Variants in SNTG1 observed in about 807,000 individuals in gnomAD.
SNTG1 encodes gamma-1-syntrophin.
A neutral mutation model predicts 74.7 loss-of-function variants in SNTG1; 39 were observed. The ratio of observed to expected loss-of-function variants is 0.52; its 90% CI spans 0.40 to 0.68. The LOEUF (loss-of-function observed/expected upper bound fraction) is 0.68. SNTG1 is among the 30% of genes least tolerant of loss of function. SNTG1 has a pLI of 0.00. For synonymous variants in SNTG1, 254 were observed against 217.1 expected (o/e 1.17, Z -1.49); for missense variants, 685 against 609.5 (o/e 1.12, Z -1.30).
rs1005920643 is a variant in SNTG1, at chr8:50,228,759, G to A, written c.-28+56124G>A. On this transcript the variant is annotated intron_variant, in intron 2 of 18. Coordinates refer to ENST00000642720, the MANE Select transcript of SNTG1 (RefSeq NM_018967.5). ...GAGGGAATTCATCACTAGAAAATAT[G>A]ACTTGTGAGAAATGTTAAAAGTTCT... Among the ~76,000 whole-genome samples the A allele has an allele frequency of 2.6e-5, 4 of 151,714 alleles. 1 individual carries two copies. The highest frequency in any genetic ancestry group is 9.7e-5 in the African/African-American group (4 of 41,392).
In SNTG1 at chr8:50,463,094, C is replaced by T. The variant is rs981626744; in HGVS notation, c.363+12365C>T. ...CTTCCCAAAGTGCTGGGATTATAGG[C>T]GTAAGCCACCACGTCCAGCCCAGAT... On this transcript the variant is annotated intron_variant, in intron 8 of 18. Transcript: ENST00000642720. Among the ~76,000 whole-genome samples, 21 of 152,080 alleles carry T rather than the reference C, an allele frequency of 1.4e-4. 1 individual carries two copies. Among genetic ancestry groups the T allele is most frequent in the Admixed American group, 9.8e-4 (15 of 15,256 alleles).
intron 2 of SNTG1, among the ~76,000 whole-genome samples, chr8:50,346,262 T>C (rs1490724511): frequency 6.6e-6 from 1 of 152,244 alleles, no homozygotes; most frequent in African/African-American, 2.4e-5. Flanking sequence ...GTAATTGTCA[T>C]GATATTTCAA....
intron 1 of SNTG1, among the ~76,000 whole-genome samples, chr8:50,045,929 G>A (rs1819047345): frequency 6.6e-6 from 1 of 152,134 alleles, no homozygotes; most frequent in South Asian, 2.1e-4. Context: ...GAAGCTCAAC[G>A]AGATCAGGGG....
At chr8:50,097,169 G>T (rs930292569) in intron 1 of SNTG1, among the ~76,000 whole-genome samples, 7 of 151,908 alleles carry the variant, frequency 4.6e-5, no homozygotes, top group Non-Finnish European at 7.4e-5. Context: ...ACGCAGTTTC[G>T]TCGTGTTGGC....
chr8:50,315,993 A>T (rs1256918385), intron 2 of SNTG1, among the ~76,000 whole-genome samples: 1 of 152,120 alleles, frequency 6.6e-6, no homozygotes, highest in Non-Finnish European at 1.5e-5. Flanking sequence ...CCATTTTTTG[A>T]TTCATATCAC....
chr8:50,314,180 T>G (rs2090226668), intron 2 of SNTG1, among the ~76,000 whole-genome samples: 1 of 149,622 alleles, frequency 6.7e-6, no homozygotes, highest in Non-Finnish European at 1.5e-5. Context: ...CTGATTCGAA[T>G]CTGGTTTCAG....
At chr8:49,995,851 T>C (rs900713947) in intron 1 of SNTG1, among the ~76,000 whole-genome samples, 3 of 152,232 alleles carry the variant, frequency 2.0e-5, no homozygotes, top group Non-Finnish European at 1.5e-5. Context: ...TTCAGCTTTG[T>C]ATTAGCTGAT....
At chr8:50,152,862 T>C (rs998478869) in intron 1 of SNTG1, among the ~76,000 whole-genome samples, 1 of 152,204 alleles carries the variant, frequency 6.6e-6, no homozygotes, top group African/African-American at 2.4e-5. Flanking sequence ...TCAACTTTGG[T>C]GAATCTGCCA....
intron 4 of SNTG1, among the ~76,000 whole-genome samples, chr8:50,426,350 T>C (rs1329599660): frequency 6.6e-6 from 1 of 152,102 alleles, no homozygotes. Context: ...AAGATTATAA[T>C]AGAGCTGAAA....
intron 13 of SNTG1, among the ~76,000 whole-genome samples, chr8:50,614,469 T>A (rs536045635): frequency 6.6e-6 from 1 of 151,874 alleles, no homozygotes; most frequent in South Asian, 2.1e-4. Context: ...TTACTTTATC[T>A]AAAAAAAAGA....
At chr8:50,176,951 T>C (rs557968099) in intron 2 of SNTG1, among the ~76,000 whole-genome samples, 1 of 152,220 alleles carries the variant, frequency 6.6e-6, no homozygotes, top group East Asian at 1.9e-4. Context: ...GGTGATTCCA[T>C]CTCCCCCTGT....
At chr8:50,085,199 G>A (rs992005687) in intron 1 of SNTG1, among the ~76,000 whole-genome samples, 4 of 152,082 alleles carry the variant, frequency 2.6e-5, no homozygotes, top group South Asian at 2.1e-4. Flanking sequence ...AGGATATTAA[G>A]AATATAGAGA....
intron 2 of SNTG1, among the ~76,000 whole-genome samples, chr8:50,249,195 C>T: frequency 6.6e-6 from 1 of 152,132 alleles, no homozygotes; most frequent in East Asian, 1.9e-4. Flanking sequence ...CCTTACAGGC[C>T]CTGAGTTCAG....
At chr8:50,367,795 G>A (rs540455878) in intron 2 of SNTG1, among the ~76,000 whole-genome samples, 18 of 150,506 alleles carry the variant, frequency 1.2e-4, no homozygotes, top group African/African-American at 4.1e-4. Context: ...ACACACACAC[G>A]CACACATGCA....
chr8:50,443,478 T>C (rs1172840864), intron 5 of SNTG1, among the ~76,000 whole-genome samples: 1 of 152,152 alleles, frequency 6.6e-6, no homozygotes, highest in Non-Finnish European at 1.5e-5. Flanking sequence ...TAATCATTAT[T>C]ACTCTTAATC....
At chr8:50,495,702 A>T (rs1002676764) in intron 8 of SNTG1, among the ~76,000 whole-genome samples, 1 of 152,144 alleles carries the variant, frequency 6.6e-6, no homozygotes, top group Non-Finnish European at 1.5e-5. Flanking sequence ...TCTCTTAAGA[A>T]GGCCTTATCT....
chr8:50,642,012 C>T (rs115822883), intron 13 of SNTG1, among the ~76,000 whole-genome samples: 3,346 of 152,262 alleles, frequency 0.022, 46 homozygotes, highest in Middle Eastern at 0.037. Context: ...TTTATTTCTT[C>T]GTATTTTCTA....
chr8:50,064,599 G>T (rs988498142), intron 1 of SNTG1, among the ~76,000 whole-genome samples: 6 of 152,258 alleles, frequency 3.9e-5, no homozygotes, highest in African/African-American at 1.4e-4. Context: ...TTCCACTGTG[G>T]CCTGTGTGGT....
chr8:50,324,249 G>A (rs1256429946), intron 2 of SNTG1, among the ~76,000 whole-genome samples: 2 of 152,180 alleles, frequency 1.3e-5, no homozygotes, highest in Non-Finnish European at 2.9e-5. Flanking sequence ...TAGCAGGGCA[G>A]CACTGAGTTT....
Sources: allele counts gnomAD v4.1 joint callset (sites outside exome capture counted in the v4.1 genomes callset), GRCh38; gene constraint gnomAD v4.1.1; transcripts MANE v1.5; gene names NCBI Gene and HGNC (gene_info 2026-07-23, HGNC 2026-07-21).